Variants in SELENOT observed in about 807,000 individuals in gnomAD.
SELENOT encodes the protein selenoprotein T, also known as thioredoxin reductase-like selenoprotein T.
Under a neutral mutation model 24.3 loss-of-function variants are expected in SELENOT, and 9 were observed. That is an observed-to-expected ratio of 0.37 (90% CI 0.22 to 0.65). SELENOT has a LOEUF of 0.65. SELENOT is among the 30% of genes least tolerant of loss of function. The pLI is 0.60. For synonymous variants in SELENOT, 81 were observed against 86.0 expected, an observed-to-expected ratio of 0.94 and a Z score of 0.32; for missense variants, 166 against 247.6, an observed-to-expected ratio of 0.67 and a Z score of 2.21.
At chr3:150,603,674 C>T in intron 1 of SELENOT, 175 bp downstream of exon 1, 1 of 683,978 alleles carries the variant, frequency 1.5e-6, no homozygotes, top group East Asian at 3.0e-5. Context: ...GTCAGGCCGC[C>T]CTCCTTTTCC....
chr3:150,613,138 A>C (rs1472064134), intron 1 of SELENOT, among the ~76,000 whole-genome samples: 10 of 152,234 alleles, frequency 6.6e-5, no homozygotes, highest in Non-Finnish European at 1.3e-4. Context: ...ATTTATAAAG[A>C]AAAATTTCTT....
chr3:150,613,839 A>G (rs1391064291), intron 1 of SELENOT, among the ~76,000 whole-genome samples: 1 of 152,056 alleles, frequency 6.6e-6, no homozygotes, highest in Non-Finnish European at 1.5e-5. Flanking sequence ...GGATCTTTGC[A>G]AGATAGCTCT....
Position 150,628,734 on chromosome 3 carries a change from G to A in SELENOT, c.*1105G>A, listed in dbSNP as rs373015116. On this transcript the variant is annotated 3_prime_UTR_variant, in exon 6 of 6. Coordinates refer to ENST00000471696, the MANE Select transcript of SELENOT (RefSeq NM_016275.5). The stretch of plus-strand genomic sequence containing the variant: ...AAAGGCAGTTTTTTAAAAAACTTAA[G>A]TTGATAAAAACTGTAAGAATAATTT... 6.6e-6 allele frequency: 1 copy of A among 152,116 alleles called. No homozygotes were observed. Among genetic ancestry groups the A allele is most frequent in the African/African-American group, 2.4e-5 (1 of 41,418 alleles). The allele number at this position is 152,116 out of a possible 1,614,324, so 9.4% of individuals were successfully genotyped here.
intron 1 of SELENOT, among the ~76,000 whole-genome samples, chr3:150,611,039 T>TGTGTGTG (rs1559895634): frequency 1.8e-5 from 2 of 111,714 alleles, no homozygotes; most frequent in South Asian, 3.3e-4. Flanking sequence ...GTGTGTGTAT[T>TGTGTGTG]TGTTTTTGTT....
At chr3:150,617,230 C>A (rs1272772863) in intron 1 of SELENOT, among the ~76,000 whole-genome samples, 1 of 152,028 alleles carries the variant, frequency 6.6e-6, no homozygotes, top group Non-Finnish European at 1.5e-5. Flanking sequence ...CTCTTGCCAA[C>A]CTGTGTTTCT....
At chr3:150,608,169 A>G (rs768328332) in intron 1 of SELENOT, among the ~76,000 whole-genome samples, 8 of 152,216 alleles carry the variant, frequency 5.3e-5, no homozygotes, top group Non-Finnish European at 8.8e-5. Flanking sequence ...AACAAGTATT[A>G]TGAATGTTTT....
chr3:150,611,354 G>T, intron 1 of SELENOT: 1 of 1,182,498 alleles, frequency 8.5e-7, no homozygotes, highest in Non-Finnish European at 1.3e-6. Context: ...TCACTCACTG[G>T]AATAGACCTA....
Position 150,630,070 on chromosome 3 carries a change from G to C in SELENOT, c.*2441G>C, listed in dbSNP as rs936054679. 1.3e-5 allele frequency: 2 copies of C among 152,576 alleles called. No homozygotes were observed. The highest frequency in any genetic ancestry group is 3.4e-3 in the Middle Eastern group (1 of 294). The allele number at this position is 152,576 out of a possible 1,614,324, so 9.5% of individuals were successfully genotyped here. A position where few individuals can be genotyped will look rare whatever the true frequency, so the allele number is the denominator to read the frequency against. ...GGTTTTATACCTCAGTGTATAAGAT[G>C]TGCAAGACAAATATGCTTATTTCCT... On this transcript the variant is annotated 3_prime_UTR_variant, in exon 6 of 6. Transcript: ENST00000471696.
intron 1 of SELENOT, among the ~76,000 whole-genome samples, chr3:150,610,241 G>C (rs1453887151): frequency 6.6e-6 from 1 of 152,196 alleles, no homozygotes; most frequent in Non-Finnish European, 1.5e-5. Flanking sequence ...AAGCAAGACA[G>C]TCTTTTCATT....
intron 4 of SELENOT, among the ~76,000 whole-genome samples, chr3:150,625,905 T>G (rs1235794340): frequency 2.0e-5 from 3 of 151,324 alleles, no homozygotes; most frequent in Non-Finnish European, 4.4e-5. Flanking sequence ...AGTCTCGCTG[T>G]GTCGCCCAGG....
At chr3:150,607,724 A>C (rs1725998436) in intron 1 of SELENOT, among the ~76,000 whole-genome samples, 1 of 152,238 alleles carries the variant, frequency 6.6e-6, no homozygotes, top group Admixed American at 6.5e-5. Context: ...CTTTCCAGGC[A>C]ATGGGAATAA....
At chr3:150,623,257 A>G in intron 3 of SELENOT, 88 bp downstream of exon 3, 1 of 1,197,546 alleles carries the variant, frequency 8.4e-7, no homozygotes, top group Non-Finnish European at 1.1e-6. Flanking sequence ...AATACTTGTT[A>G]TTGATTCACC....
intron 1 of SELENOT, among the ~76,000 whole-genome samples, chr3:150,609,495 G>A (rs183462001): frequency 4.0e-4 from 61 of 152,002 alleles, no homozygotes; most frequent in South Asian, 1.9e-3. Flanking sequence ...GATTACAGGC[G>A]CGCACTACAT....
intron 1 of SELENOT, among the ~76,000 whole-genome samples, chr3:150,618,279 C>T (rs976724492): frequency 1.3e-5 from 2 of 152,128 alleles, no homozygotes; most frequent in South Asian, 4.1e-4. Flanking sequence ...TAAATGGGAC[C>T]CAATGCTATG....
At chr3:150,614,875 A>T (rs1000002145) in intron 1 of SELENOT, among the ~76,000 whole-genome samples, 4 of 151,204 alleles carry the variant, frequency 2.6e-5, no homozygotes, top group Admixed American at 6.6e-5. Flanking sequence ...ATTTTTTATT[A>T]TTATTATACT....
At chr3:150,605,108 T>G (rs1320376867) in intron 1 of SELENOT, among the ~76,000 whole-genome samples, 1 of 151,956 alleles carries the variant, frequency 6.6e-6, no homozygotes, top group Non-Finnish European at 1.5e-5. Flanking sequence ...CATGTAATAC[T>G]GCAAATGGGA....
At chr3:150,619,875 AG>A (rs1453004613) in intron 1 of SELENOT, among the ~76,000 whole-genome samples, 2 of 152,300 alleles carry the variant, frequency 1.3e-5, no homozygotes, top group Admixed American at 1.3e-4. Flanking sequence ...TATAGGAAAA[AG>A]GGTTCCTTGG....
chr3:150,622,509 A>G lies in SELENOT; in HGVS notation c.248+14A>G. Reference sequence around the variant, plus strand: ...ACCAATATATAGGTAAGAAATTTTAATAACTTAAAAGGAAAACAATGTATT... The same window carrying G: ...ACCAATATATAGGTAAGAAATTTTAGTAACTTAAAAGGAAAACAATGTATT... On this transcript the variant is annotated intron_variant, in intron 2 of 5. Transcript: ENST00000471696. The G allele has an allele frequency of 7.8e-7, 1 of 1,278,546 alleles. No individual in the cohort carries two copies. The highest frequency in any genetic ancestry group is 1.1e-6 in the Non-Finnish European group (1 of 938,482). 79.2% of individuals were successfully genotyped at this position (1,278,546 alleles called of 1,614,324 possible).
chr3:150,630,019 A>C lies in SELENOT; in HGVS notation c.*2390A>C, dbSNP rs553274627. On this transcript the variant is annotated 3_prime_UTR_variant, in exon 6 of 6. Transcript: ENST00000471696. ...CATTGTGGAAGAAATTATTTGGTACATTAATAAAAAAAGTTGGTAAAACAT... is the reference window on the plus strand; with the variant it reads ...CATTGTGGAAGAAATTATTTGGTACCTTAATAAAAAAAGTTGGTAAAACAT... 7 of 152,772 alleles carry C rather than the reference A, an allele frequency of 4.6e-5. No individual in the cohort carries two copies. The highest frequency in any genetic ancestry group is 1.7e-4 in the African/African-American group (7 of 41,580). The allele number at this position is 152,772 out of a possible 1,614,324, so 9.5% of individuals were successfully genotyped here. A position where few individuals can be genotyped will look rare whatever the true frequency, so the allele number is the denominator to read the frequency against.
Sources: gnomAD v4.1 joint callset for allele counts (sites outside exome capture counted in the v4.1 genomes callset) on GRCh38, gnomAD v4.1.1 for gene constraint, MANE v1.5 for transcripts, NCBI Gene and HGNC (gene_info 2026-07-23, HGNC 2026-07-21) for gene names.